CFAP299: variants seen among roughly 807,000 people sequenced by gnomAD.
The protein encoded by CFAP299 is cilia and flagella associated protein 299.
CFAP299 carries 21 observed loss-of-function variants against 27.0 expected under a neutral mutation model. The ratio of observed to expected loss-of-function variants is 0.78; its 90% CI spans 0.55 to 1.12. CFAP299 has a LOEUF of 1.12. Among genes scored for constraint, CFAP299 ranks in the 50% most tolerant of loss-of-function variants. The pLI is 0.00. For synonymous variants in CFAP299, 104 were observed against 98.1 expected, an observed-to-expected ratio of 1.06 and a Z score of -0.36; for missense variants, 310 against 276.6, an observed-to-expected ratio of 1.12 and a Z score of -0.86.
intron 1 of CFAP299, among the ~76,000 whole-genome samples, chr4:80,353,127 T>A (rs1421356379): frequency 6.6e-6 from 1 of 152,198 alleles, no homozygotes; most frequent in Non-Finnish European, 1.5e-5. Flanking sequence ...GTTACTTTTA[T>A]AAAATATCAA....
chr4:80,544,375 T>G (rs1396031747), intron 2 of CFAP299, among the ~76,000 whole-genome samples: 1 of 152,120 alleles, frequency 6.6e-6, no homozygotes, highest in Non-Finnish European at 1.5e-5. Flanking sequence ...GCTCTTTACA[T>G]TTGGAACACA....
intron 3 of CFAP299, among the ~76,000 whole-genome samples, chr4:80,856,255 T>G (rs1427534873): frequency 6.8e-6 from 1 of 146,198 alleles, no homozygotes; most frequent in Non-Finnish European, 1.5e-5. Context: ...GATGGGGTTG[T>G]TTTTTTCTTG....
chr4:80,800,377 T>C (rs1420994866), intron 3 of CFAP299, among the ~76,000 whole-genome samples: 1 of 65,628 alleles, frequency 1.5e-5, no homozygotes, highest in Non-Finnish European at 2.4e-5. Context: ...ATAATATATA[T>C]AATATATAAT....
intron 3 of CFAP299, among the ~76,000 whole-genome samples, chr4:80,588,032 A>G (rs771544333): frequency 6.6e-5 from 10 of 151,308 alleles, no homozygotes; most frequent in Non-Finnish European, 1.2e-4. Context: ...TAGAGGAAGA[A>G]GCTAGGCAGA....
At chr4:80,527,763 A>T (rs963846127) in intron 2 of CFAP299, among the ~76,000 whole-genome samples, 1 of 152,014 alleles carries the variant, frequency 6.6e-6, no homozygotes, top group African/African-American at 2.4e-5. Flanking sequence ...ATAGCTTCTT[A>T]TAATTGCTTT....
intron 3 of CFAP299, among the ~76,000 whole-genome samples, chr4:80,844,599 T>C (rs1367712120): frequency 6.6e-6 from 1 of 151,262 alleles, no homozygotes; most frequent in Non-Finnish European, 1.5e-5. Flanking sequence ...TTTGATGGGG[T>C]TGTTTGTTTT....
chr4:80,820,992 C>T (rs1729674800), intron 3 of CFAP299, among the ~76,000 whole-genome samples: 1 of 152,036 alleles, frequency 6.6e-6, no homozygotes, highest in South Asian at 2.1e-4. Flanking sequence ...TTAACTTTAC[C>T]AGATCCTTTT....
rs151007536 is a variant in CFAP299 at position 80,560,418 on chromosome 4, C to G, written c.243-22675C>G. 8.5e-5 allele frequency among the ~76,000 whole-genome samples: 13 copies of G among 152,142 alleles called. No homozygotes were observed. The East Asian group carries it at 1.4e-3, about 16-fold the overall frequency. On this transcript the variant is annotated intron_variant, in intron 2 of 5. Coordinates refer to ENST00000358105, the MANE Select transcript of CFAP299 (RefSeq NM_152770.3). ...TGGCTACAGGGCAAAACTCCTTTGG[C>G]TTGGGAAAGCAGAGGGAAAAGTAAA... is the stretch of plus-strand genomic sequence containing the variant.
intron 4 of CFAP299, among the ~76,000 whole-genome samples, chr4:80,899,895 T>C (rs1453345935): frequency 6.6e-6 from 1 of 152,106 alleles, no homozygotes; most frequent in Non-Finnish European, 1.5e-5. Flanking sequence ...TGCAAATTCA[T>C]TGGAAATGTT....
intron 4 of CFAP299, among the ~76,000 whole-genome samples, chr4:80,886,131 G>T (rs1733958667): frequency 6.6e-6 from 1 of 152,192 alleles, no homozygotes; most frequent in Admixed American, 6.5e-5. Context: ...TGTGGAAATG[G>T]GAAGGAAGAG....
At chr4:80,439,112 C>T (rs918662673) in intron 2 of CFAP299, among the ~76,000 whole-genome samples, 1 of 152,142 alleles carries the variant, frequency 6.6e-6, no homozygotes, top group Non-Finnish European at 1.5e-5. Context: ...TTAAATTTGT[C>T]TTCTCCCTTC....
chr4:80,452,035 A>G (rs1465669140), intron 2 of CFAP299, among the ~76,000 whole-genome samples: 1 of 152,214 alleles, frequency 6.6e-6, no homozygotes, highest in African/African-American at 2.4e-5. Context: ...TAAATCCACT[A>G]GTAGAAATAT....
At chr4:80,724,599 A>C (rs1357998078) in intron 3 of CFAP299, among the ~76,000 whole-genome samples, 2 of 152,060 alleles carry the variant, frequency 1.3e-5, no homozygotes, top group Non-Finnish European at 2.9e-5. Context: ...GATGGCTCAA[A>C]ATAACAATAA....
At chr4:80,640,435 C>A (rs1396843978) in intron 3 of CFAP299, among the ~76,000 whole-genome samples, 1 of 152,120 alleles carries the variant, frequency 6.6e-6, no homozygotes, top group Admixed American at 6.5e-5. Flanking sequence ...AGGTATATAT[C>A]CCTCAGGCAA....
intron 3 of CFAP299, among the ~76,000 whole-genome samples, chr4:80,634,363 C>A (rs771153125): frequency 6.6e-6 from 1 of 152,088 alleles, no homozygotes; most frequent in Non-Finnish European, 1.5e-5. Flanking sequence ...AAATCAATTC[C>A]GTTGCCAACT....
At chr4:80,349,729 T>C (rs148030287) in intron 1 of CFAP299, among the ~76,000 whole-genome samples, 1 of 152,302 alleles carries the variant, frequency 6.6e-6, no homozygotes, top group Non-Finnish European at 1.5e-5. Flanking sequence ...AAGCCATTCT[T>C]ACTATAACTT....
chr4:80,902,271 G>A (rs763869078), intron 4 of CFAP299, among the ~76,000 whole-genome samples: 2 of 149,902 alleles, frequency 1.3e-5, no homozygotes, highest in Non-Finnish European at 3.0e-5. Context: ...GCAAATCTGT[G>A]GCACAGAATG....
At chr4:80,366,065 G>A (rs1723818854) in intron 2 of CFAP299, among the ~76,000 whole-genome samples, 1 of 152,184 alleles carries the variant, frequency 6.6e-6, no homozygotes, top group Non-Finnish European at 1.5e-5. Context: ...CCATGTGGTA[G>A]TCCATTCCCT....
At chr4:80,607,844 C>T (rs1048133063) in intron 3 of CFAP299, among the ~76,000 whole-genome samples, 2 of 152,030 alleles carry the variant, frequency 1.3e-5, no homozygotes, top group African/African-American at 4.8e-5. Flanking sequence ...TACTTGCTTT[C>T]CATTTCTTAA....
Sources: gnomAD v4.1 joint callset for allele counts (sites outside exome capture counted in the v4.1 genomes callset) on GRCh38, gnomAD v4.1.1 for gene constraint, MANE v1.5 for transcripts, NCBI Gene and HGNC (gene_info 2026-07-23, HGNC 2026-07-21) for gene names.